The following UBR2 variants were observed in gnomAD, a reference collection of about 807,000 sequenced individuals.
UBR2 encodes ubiquitin protein ligase E3 component n-recognin 2.
Under a neutral mutation model 247.9 loss-of-function variants are expected in UBR2, and 92 were observed. That is an observed-to-expected ratio of 0.37 (90% CI 0.31 to 0.44). UBR2 has a LOEUF of 0.44. UBR2 is among the 20% of genes least tolerant of loss of function. The pLI, the probability that UBR2 is intolerant of heterozygous loss-of-function variation, is 1.00. For synonymous variants in UBR2, 672 were observed against 693.5 expected (o/e 0.97, Z 0.49); for missense variants, 1,613 against 2,112.6 (o/e 0.76, Z 4.64).
intron 26 of UBR2, among the ~76,000 whole-genome samples, chr6:42,656,149 C>T (rs1797428256): frequency 6.6e-6 from 1 of 152,050 alleles, no homozygotes; most frequent in Admixed American, 6.6e-5. Flanking sequence ...CAGTAGTTTG[C>T]TATATTTGCT....
chr6:42,587,657 C>G (rs890428400), intron 2 of UBR2, among the ~76,000 whole-genome samples: 12 of 152,206 alleles, frequency 7.9e-5, no homozygotes, highest in African/African-American at 2.9e-4. Context: ...CAAGCCCAGA[C>G]TTCTTTTTTT....
intron 15 of UBR2, among the ~76,000 whole-genome samples, 188 bp from the exon 16 acceptor site, chr6:42,640,021 C>T (rs373973856): frequency 1.3e-5 from 2 of 151,842 alleles, no homozygotes. Flanking sequence ...AGCGAGACTC[C>T]GTCTCAAAAA....
intron 14 of UBR2, 143 bp from the exon 15 acceptor site, chr6:42,636,868 G>A: frequency 1.3e-6 from 1 of 776,254 alleles, no homozygotes; most frequent in Non-Finnish European, 2.0e-6. Flanking sequence ...CACTGGAAGA[G>A]GGACCAAATT....
chr6:42,642,618 T>C (rs1796513422), intron 18 of UBR2, 137 bp downstream of exon 18: 1 of 661,474 alleles, frequency 1.5e-6, no homozygotes, highest in Non-Finnish European at 2.7e-6. Flanking sequence ...TCCAAACTCA[T>C]ATGGCTAACA....
rs1461943284 is a variant in UBR2, at chr6:42,611,190, C to T, written c.865-981C>T. 6.2e-5 allele frequency among the ~76,000 whole-genome samples: 9 copies of T among 145,666 alleles called. No homozygotes were observed. In the East Asian group the frequency reaches 7.0e-4, roughly 11 times the overall value. ...AAAAGTTGATAACATGGGCTGGGCGCGGTGGCTCACGCCTGTAATCCCAGC... is the reference window on the plus strand; with the variant it reads ...AAAAGTTGATAACATGGGCTGGGCGTGGTGGCTCACGCCTGTAATCCCAGC... On this transcript the variant is annotated intron_variant, in intron 7 of 46. Transcript: ENST00000372901.
intron 11 of UBR2, among the ~76,000 whole-genome samples, chr6:42,628,013 T>C (rs962846004): frequency 6.6e-6 from 1 of 152,256 alleles, no homozygotes; most frequent in Non-Finnish European, 1.5e-5. Flanking sequence ...CTTTGTTTTT[T>C]TCTTGGGATC....
At chr6:42,621,098 T>A (rs1473632372) in intron 11 of UBR2, among the ~76,000 whole-genome samples, 1 of 152,170 alleles carries the variant, frequency 6.6e-6, no homozygotes, top group Non-Finnish European at 1.5e-5. Flanking sequence ...GTATATTGTT[T>A]AAACAATCTT....
At chr6:42,667,151 C>T (rs7767474) in intron 34 of UBR2, among the ~76,000 whole-genome samples, 1 of 152,078 alleles carries the variant, frequency 6.6e-6, no homozygotes, top group Admixed American at 6.6e-5. Flanking sequence ...GTCTAGCCAA[C>T]ATGATGAAAC....
rs201209951 is a variant in UBR2 at position 42,691,034 on chromosome 6, G to A, written c.5129G>A (p.Arg1710Gln). ...TGACATGTGTCTTCTCTTTCTAGAC[G>A]GGGAAATCCTTTACATTTATGCAAA... ...DYGETDQGLRRGNPLHLCKER... is the reference protein window; with the variant it reads ...DYGETDQGLRQGNPLHLCKER... The change falls in exon 47 of 47, where the codon CGG becomes CAG. Residue 1710 changes from arginine to glutamine, a missense_variant and splice_region_variant. Coordinates refer to ENST00000372901, the MANE Select transcript of UBR2 (RefSeq NM_001363705.2). 16 of 1,613,774 alleles carry A rather than the reference G, an allele frequency of 9.9e-6. No individual in the cohort carries two copies. The highest frequency in any genetic ancestry group is 2.2e-5 in the East Asian group (1 of 44,874).
chr6:42,628,419 G>GTTTGGTCAAGACC (rs150303064), intron 11 of UBR2, among the ~76,000 whole-genome samples: 3,524 of 152,012 alleles, frequency 0.023, 120 homozygotes, highest in African/African-American at 0.08. Flanking sequence ...TTCATTTTTA[G>GTTTGGTCAAGACC]TTTGGTCAAG....
At chr6:42,584,074 C>T (rs1055406384) in intron 2 of UBR2, among the ~76,000 whole-genome samples, 16 of 150,122 alleles carry the variant, frequency 1.1e-4, no homozygotes, top group Non-Finnish European at 2.1e-4. Context: ...CTCAGCTCAC[C>T]GCAATCTCCG....
At chr6:42,641,821 T>A in intron 17 of UBR2, 129 bp downstream of exon 17, 1 of 630,190 alleles carries the variant, frequency 1.6e-6, no homozygotes, top group Non-Finnish European at 2.5e-6. Flanking sequence ...AGATTAATGA[T>A]AAAACAAAAA....
At chr6:42,634,313 A>G in intron 13 of UBR2, 1 of 403,358 alleles carries the variant, frequency 2.5e-6, no homozygotes, top group East Asian at 7.9e-5. Flanking sequence ...AACCAGTTAT[A>G]ACTGTAAGAA....
chr6:42,654,443 G>T (rs887296856), intron 25 of UBR2, among the ~76,000 whole-genome samples: 1 of 152,120 alleles, frequency 6.6e-6, no homozygotes, highest in Non-Finnish European at 1.5e-5. Context: ...CTGGGGTGTG[G>T]GCCCGGCACA....
chr6:42,620,752 G>A (rs1794938999), intron 11 of UBR2, among the ~76,000 whole-genome samples: 1 of 151,850 alleles, frequency 6.6e-6, no homozygotes, highest in Non-Finnish European at 1.5e-5. Context: ...ACTGCACCCA[G>A]CCAGGTGTCT....
rs1799809756 is a variant in UBR2, at chr6:42,692,768, C to G, written c.*1595C>G. 1 of 152,208 alleles carries G rather than the reference C, an allele frequency of 6.6e-6. No homozygotes were observed. Among genetic ancestry groups the G allele is most frequent in the Admixed American group, 6.5e-5 (1 of 15,282 alleles). 9.4% of individuals were successfully genotyped at this position (152,208 alleles called of 1,614,324 possible). ...GAAGTGAGGATGTAGAAGCCACATTCCTCTCCAAGGTAGTGTGTGAAAGAA... is the reference window on the plus strand; with the variant it reads ...GAAGTGAGGATGTAGAAGCCACATTGCTCTCCAAGGTAGTGTGTGAAAGAA... On this transcript the variant is annotated 3_prime_UTR_variant, in exon 47 of 47. Transcript: ENST00000372901.
intron 8 of UBR2, among the ~76,000 whole-genome samples, chr6:42,614,202 AAAAC>A (rs1222948368): frequency 0.056 from 2,113 of 37,410 alleles, 98 homozygotes; most frequent in African/African-American, 0.12. Context: ...AAAAAAAAAA[AAAAC>A]TATATATATA....
Position 42,684,102 on chromosome 6 carries a change from A to C in UBR2, c.4776-692A>C, listed in dbSNP as rs184740729. On this transcript the variant is annotated intron_variant, in intron 43 of 46. Transcript: ENST00000372901. ...CACAATTTCATGTGATTCCACCCTGACGTCAGAAAACTCTTAATAAATGGA... is the reference window on the plus strand; with the variant it reads ...CACAATTTCATGTGATTCCACCCTGCCGTCAGAAAACTCTTAATAAATGGA... 3.9e-5 allele frequency among the ~76,000 whole-genome samples: 6 copies of C among 152,334 alleles called. No homozygotes were observed. In the East Asian group the frequency reaches 9.6e-4, roughly 24 times the overall value.
At chr6:42,622,863 G>A (rs1045909449) in intron 11 of UBR2, among the ~76,000 whole-genome samples, 4 of 148,036 alleles carry the variant, frequency 2.7e-5, no homozygotes, top group African/African-American at 1.0e-4. Context: ...TTAAGATGGG[G>A]TCTGTGATGC....
Sources: gnomAD v4.1 joint callset for allele counts (sites outside exome capture counted in the v4.1 genomes callset) on GRCh38, gnomAD v4.1.1 for gene constraint, MANE v1.5 for transcripts, NCBI Gene and HGNC (gene_info 2026-07-23, HGNC 2026-07-21) for gene names.